ANKFY1: variants seen among roughly 807,000 people sequenced by gnomAD.
ANKFY1 encodes ankyrin repeat and FYVE domain containing 1.
In ANKFY1, 47 loss-of-function variants were observed where a neutral mutation model predicts 128.3. That is an observed-to-expected ratio of 0.37 (90% CI 0.29 to 0.47). The LOEUF is 0.47. ANKFY1 is among the 20% of genes least tolerant of loss of function. ANKFY1 has a pLI of 1.00. For synonymous variants in ANKFY1, 553 were observed against 601.6 expected (o/e 0.92, Z 1.18); for missense variants, 1,222 against 1,510.6 (o/e 0.81, Z 3.17).
chr17:4,246,025 C>CA (rs1967523399), intron 1 of ANKFY1, among the ~76,000 whole-genome samples: 2 of 152,084 alleles, frequency 1.3e-5, no homozygotes, highest in Non-Finnish European at 2.9e-5. Context: ...GCCTGGGTGA[C>CA]AGAGGACAGT....
rs755335710 is a variant in ANKFY1, at chr17:4,178,989, C to T, written c.2466G>A (p.Leu822=). ...TCAAATGGATATCGGGGTGAGAAAC[C>T]AACAGCTGAATGATGACACCGTGTT... ...SSQHGVIIQL[L]VSHPDIHLNV... Residue 822 remains leucine, a synonymous_variant, in exon 18 of 25, where the codon TTG becomes TTA. Transcript: ENST00000341657. The surrounding 1 kb of genome is among the most constrained non-coding windows in gnomAD (Gnocchi z 4.1). 1 of 1,614,168 alleles carries T rather than the reference C, an allele frequency of 6.2e-7. No individual in the cohort carries two copies. Among genetic ancestry groups the T allele is most frequent in the South Asian group, 1.1e-5 (1 of 91,086 alleles).
In ANKFY1 at chr17:4,174,544, TG is replaced by T. The variant is rs972789932; in HGVS notation, c.2776-489del. On this transcript the variant is annotated intron_variant, in intron 19 of 24. Coordinates refer to ENST00000341657, the MANE Select transcript of ANKFY1 (RefSeq NM_001330063.2). ...AATTAGAAGATAGTATGATTCCATC[TG>T]GGGAAGACAGAGCTCTGTGTACACA... Among the ~76,000 whole-genome samples the T allele has an allele frequency of 5.0e-4, 76 of 152,268 alleles. 1 individual carries two copies. The highest frequency in any genetic ancestry group is 1.6e-3 in the African/African-American group (68 of 41,546).
chr17:4,208,539 C>T (rs898310714), intron 5 of ANKFY1, among the ~76,000 whole-genome samples: 2 of 152,192 alleles, frequency 1.3e-5, no homozygotes, highest in Non-Finnish European at 2.9e-5. Flanking sequence ...TCCACTGAGT[C>T]GCAGCTGGTC....
chr17:4,205,741 CA>C (rs11445216), intron 7 of ANKFY1, among the ~76,000 whole-genome samples: 9 of 145,262 alleles, frequency 6.2e-5, no homozygotes, highest in African/African-American at 7.6e-5. Context: ...GACTCCGTCT[CA>C]AAAAAAAAAA....
intron 24 of ANKFY1, chr17:4,168,853 G>A (rs969069106): frequency 2.0e-5 from 5 of 244,200 alleles, no homozygotes; most frequent in East Asian, 7.7e-5. Context: ...CTTAGTTCTC[G>A]GCAAAGCGGC....
At chr17:4,216,289 G>A (rs2060219981) in intron 4 of ANKFY1, among the ~76,000 whole-genome samples, 1 of 152,058 alleles carries the variant, frequency 6.6e-6, no homozygotes, top group South Asian at 2.1e-4. Context: ...GCACCCAAGG[G>A]AATACAAAGA....
chr17:4,186,397 TCCCACTG>T (rs1005704604), intron 11 of ANKFY1: 3 of 151,858 alleles, frequency 2.0e-5, no homozygotes, highest in African/African-American at 7.3e-5. Context: ...GTTCCTTCAC[TCCCACTG>T]CCTCACTTGG....
Position 4,164,816 on chromosome 17 carries a change from C to A in ANKFY1, c.*2963G>T, listed in dbSNP as rs1275560643. 6.6e-6 allele frequency: 1 copy of A among 152,600 alleles called. No individual in the cohort carries two copies. The highest frequency in any genetic ancestry group is 1.9e-4 in the East Asian group (1 of 5,194). 9.5% of individuals were successfully genotyped at this position (152,600 alleles called of 1,614,324 possible). ...ACTGAGATCCACACAGGGACCCATT[C>A]AGGGACAAGAGTGAGGACACAGAAC... On this transcript the variant is annotated 3_prime_UTR_variant, in exon 25 of 25. Coordinates refer to ENST00000341657, the MANE Select transcript of ANKFY1 (RefSeq NM_001330063.2).
At chr17:4,179,693 C>G in intron 17 of ANKFY1, 28 bp downstream of exon 17, 1 of 1,610,478 alleles carries the variant, frequency 6.2e-7, no homozygotes, top group Non-Finnish European at 8.5e-7. Context: ...GGCTACACCT[C>G]TCTCCCCGGA....
chr17:4,261,510 T>C (rs923628707), intron 1 of ANKFY1, among the ~76,000 whole-genome samples: 32 of 152,338 alleles, frequency 2.1e-4, no homozygotes, highest in African/African-American at 7.7e-4. Context: ...AAAGAAAGAC[T>C]GTGAAGTCAG....
At chr17:4,206,286 A>AT (rs1567942692) in intron 7 of ANKFY1, 35 bp downstream of exon 7, 1 of 1,591,380 alleles carries the variant, frequency 6.3e-7, no homozygotes. Flanking sequence ...TAAAAATAAA[A>AT]TTGCCTGCAG....
At chr17:4,179,213 T>C in intron 17 of ANKFY1, 156 bp from the exon 18 acceptor site, 2 of 770,830 alleles carry the variant, frequency 2.6e-6, no homozygotes, top group Non-Finnish European at 4.2e-6. Flanking sequence ...CAAAGAGAAA[T>C]GACTAAATGT....
intron 7 of ANKFY1, among the ~76,000 whole-genome samples, chr17:4,203,718 G>C (rs2059972397): frequency 6.6e-6 from 1 of 151,316 alleles, no homozygotes; most frequent in Non-Finnish European, 1.5e-5. Flanking sequence ...AGGAGGCTGA[G>C]GCAGGAGAAT....
At chr17:4,256,365 C>G (rs375048196) in intron 1 of ANKFY1, among the ~76,000 whole-genome samples, 1 of 152,066 alleles carries the variant, frequency 6.6e-6, no homozygotes, top group Admixed American at 6.5e-5. Context: ...GAGGTGGAGC[C>G]TGCAGTGAGC....
chr17:4,227,515 C>T (rs1598111405), intron 3 of ANKFY1, among the ~76,000 whole-genome samples: 1 of 152,148 alleles, frequency 6.6e-6, no homozygotes, highest in African/African-American at 2.4e-5. Flanking sequence ...CAGGAATACT[C>T]AAATTGATAA....
intron 5 of ANKFY1, 146 bp from the exon 6 acceptor site, chr17:4,208,228 A>G: frequency 4.6e-6 from 3 of 658,018 alleles, no homozygotes; most frequent in Non-Finnish European, 4.8e-6. Flanking sequence ...CCAAAACCCA[A>G]TGAAGTAAGT....
intron 11 of ANKFY1, chr17:4,188,086 G>A (rs1834325156): frequency 6.6e-6 from 1 of 152,458 alleles, no homozygotes; most frequent in Admixed American, 6.5e-5. Context: ...GGCAAGAGCA[G>A]AGGCATGGAG....
chr17:4,182,235 G>A lies in ANKFY1; in HGVS notation c.2067C>T (p.Asn689=). 6.3e-7 allele frequency: 1 copy of A among 1,584,214 alleles called. No homozygotes were observed. The highest frequency in any genetic ancestry group is 8.6e-7 in the Non-Finnish European group (1 of 1,163,046). ...ADMSVPDEKG[N]PPLWLALANN... is the part of the protein sequence containing the mutation. ...TTGCCAATGCAAGCCACAGCGGGGG[G>A]TTCCCCTTCTCATCTGGCACAGACA... The change falls in exon 15 of 25, where the codon AAC becomes AAT. Residue 689 remains asparagine (N), a synonymous_variant. Transcript: ENST00000341657.
chr17:4,241,693 C>G (rs1474451050), intron 2 of ANKFY1, among the ~76,000 whole-genome samples: 2 of 152,078 alleles, frequency 1.3e-5, no homozygotes, highest in Non-Finnish European at 2.9e-5. Context: ...GACCTTTGCC[C>G]TCTGAATTCC....
Sources: gnomAD v4.1 joint callset for allele counts (sites outside exome capture counted in the v4.1 genomes callset) on GRCh38, gnomAD v4.1.1 for gene constraint, Gnocchi (gnomAD v3.1) non-coding constraint, MANE v1.5 for transcripts, NCBI Gene and HGNC (gene_info 2026-07-23, HGNC 2026-07-21) for gene names.